USP13: variants seen among roughly 807,000 people sequenced by gnomAD.
USP13 encodes the protein ubiquitin carboxyl-terminal hydrolase 13.
A neutral mutation model predicts 107.8 loss-of-function variants in USP13; 68 were observed. That is an observed-to-expected ratio of 0.63 (90% CI 0.52 to 0.77). USP13 has a LOEUF of 0.77. Among genes scored for constraint, USP13 ranks in the 30% least tolerant of loss-of-function variants. The probability of loss-of-function intolerance (pLI) is 0.00; values close to 1 mark genes in which losing one functional copy is unlikely to be tolerated. For missense variants in USP13, 945 were observed against 1,093.3 expected (o/e 0.86, Z 1.91); for synonymous variants, 377 against 389.5 (o/e 0.97, Z 0.38).
Position 179,701,131 on chromosome 3 carries a change from TCAGTGAG to T in USP13, c.477+3_477+9del. ...AATATTGAGGAGTTACCAGCCCTGG[TCAGTGAG>T]TGTGCACGGCTGCTAGCTAGATGCG... is the stretch of plus-strand genomic sequence containing the variant. On this transcript the variant is annotated splice_donor_5th_base_variant and intron_variant, in intron 4 of 20. Transcript: ENST00000263966. 1 of 1,599,846 alleles carries T rather than the reference TCAGTGAG, an allele frequency of 6.3e-7. No homozygotes were observed. Among genetic ancestry groups the T allele is most frequent in the East Asian group, 2.3e-5 (1 of 43,948 alleles).
chr3:179,769,975 T>G (rs1715296561), intron 19 of USP13, among the ~76,000 whole-genome samples: 1 of 152,230 alleles, frequency 6.6e-6, no homozygotes, highest in South Asian at 2.1e-4. Context: ...CACGTGACTC[T>G]CCACAAACAC....
At chr3:179,722,830 CT>C (rs1189775168) in intron 8 of USP13, among the ~76,000 whole-genome samples, 2 of 152,182 alleles carry the variant, frequency 1.3e-5, no homozygotes, top group Non-Finnish European at 2.9e-5. Context: ...AAAACTGACC[CT>C]TTACCGCAGA....
In USP13 at chr3:179,788,683, G is replaced by A. The variant is rs1194875142; in HGVS notation, c.*4542G>A. On this transcript the variant is annotated 3_prime_UTR_variant, in exon 21 of 21. Coordinates refer to ENST00000263966, the MANE Select transcript of USP13 (RefSeq NM_003940.3). ...CACCCATTTTTATTTTTTTAAAAAT[G>A]TGGCCCCTAAAGAACTTCAAATTAG... is the stretch of plus-strand genomic sequence containing the variant. The A allele has an allele frequency of 6.6e-6, 1 of 151,706 alleles. No individual in the cohort carries two copies. The highest frequency in any genetic ancestry group is 1.9e-4 in the East Asian group (1 of 5,176). 9.4% of individuals were successfully genotyped at this position (151,706 alleles called of 1,614,324 possible). A position where few individuals can be genotyped will look rare whatever the true frequency, so the allele number is the denominator to read the frequency against.
Position 179,767,426 on chromosome 3 carries a change from TGG to T in USP13, c.2413+1579_2413+1580del, listed in dbSNP as rs370627590. 2.1e-3 allele frequency among the ~76,000 whole-genome samples: 318 copies of T among 148,834 alleles called. 4 individuals are homozygous for T. Among genetic ancestry groups the T allele is most frequent in the African/African-American group, 7.8e-3 (303 of 38,990 alleles). On this transcript the variant is annotated intron_variant, in intron 19 of 20. Coordinates refer to ENST00000263966, the MANE Select transcript of USP13 (RefSeq NM_003940.3). ...ACTGTAATGCATTGTTAGTTTTTTT[TGG>T]TTTTTTTTTTTTTTGAGACAGAGTC... is the stretch of plus-strand genomic sequence containing the variant.
At chr3:179,758,342 A>G (rs961471123) in intron 16 of USP13, among the ~76,000 whole-genome samples, 1 of 152,184 alleles carries the variant, frequency 6.6e-6, no homozygotes, top group African/African-American at 2.4e-5. Flanking sequence ...TAACTGTGCC[A>G]GAGGAGCCTG....
Position 179,721,289 on chromosome 3 carries a change from A to T in USP13, c.901-113A>T. On this transcript the variant is annotated intron_variant, in intron 7 of 20. Coordinates refer to ENST00000263966, the MANE Select transcript of USP13 (RefSeq NM_003940.3). This position sits in a 1 kb window ranked among gnomAD's most constrained non-coding sequence, Gnocchi z 4.3. Reference sequence around the variant, plus strand: ...TTTGCATTGTTTATTTCTCTATGTAATTGGGGAAAAAAATGGCAGAAACAT... The same window carrying T: ...TTTGCATTGTTTATTTCTCTATGTATTTGGGGAAAAAAATGGCAGAAACAT... 8.7e-7 allele frequency: 1 copy of T among 1,147,672 alleles called. No homozygotes were observed. The highest frequency in any genetic ancestry group is 1.2e-6 in the Non-Finnish European group (1 of 815,208). The allele number at this position is 1,147,672 out of a possible 1,614,324, so 71.1% of individuals were successfully genotyped here.
intron 7 of USP13, among the ~76,000 whole-genome samples, chr3:179,720,855 C>G (rs948343620): frequency 1.3e-5 from 2 of 150,410 alleles, no homozygotes; most frequent in African/African-American, 4.9e-5. Context: ...GTTGCCCAGG[C>G]TGGAGTGCAG....
At chr3:179,655,662 C>T (rs182332621) in intron 1 of USP13, among the ~76,000 whole-genome samples, 1 of 150,394 alleles carries the variant, frequency 6.6e-6, no homozygotes, top group Non-Finnish European at 1.5e-5. Context: ...TCAAGTGATT[C>T]TCCTGCCTCA....
intron 15 of USP13, among the ~76,000 whole-genome samples, chr3:179,756,457 A>G (rs1273259502): frequency 6.6e-6 from 1 of 152,004 alleles, no homozygotes; most frequent in African/African-American, 2.4e-5. Context: ...AAAAATACAG[A>G]GAGAGGCTGG....
At chr3:179,690,612 G>A (rs569945208) in intron 3 of USP13, among the ~76,000 whole-genome samples, 2 of 152,168 alleles carry the variant, frequency 1.3e-5, no homozygotes, top group African/African-American at 4.8e-5. Flanking sequence ...TGGCTCTCTC[G>A]CCTAGGCTGG....
intron 5 of USP13, among the ~76,000 whole-genome samples, chr3:179,708,349 C>T (rs899231661): frequency 2.0e-5 from 3 of 151,438 alleles, no homozygotes; most frequent in African/African-American, 7.3e-5. Flanking sequence ...CTCTGTCACC[C>T]AGGCTGGAGT....
At chr3:179,677,848 A>G (rs36122949) in intron 1 of USP13, among the ~76,000 whole-genome samples, 7,750 of 152,046 alleles carry the variant, frequency 0.051, 266 homozygotes, top group Non-Finnish European at 0.071. Flanking sequence ...TGGCTGTCAG[A>G]CTCACTTATT....
At chr3:179,749,871 T>C (rs541717317) in intron 13 of USP13, among the ~76,000 whole-genome samples, 1 of 152,340 alleles carries the variant, frequency 6.6e-6, no homozygotes, top group Non-Finnish European at 1.5e-5. Flanking sequence ...TGGAAATTAT[T>C]GGTTTACCAA....
rs374139056 is a variant in USP13 at position 179,738,948 on chromosome 3, G to A, written c.1255-1299G>A. The stretch of plus-strand genomic sequence containing the variant: ...GTCAAGGGGATTGGAGATTAGAGAA[G>A]TAGGCAGAGTCTTTTCACTTGCCAA... On this transcript the variant is annotated intron_variant, in intron 10 of 20. Transcript: ENST00000263966. 2.7e-3 allele frequency among the ~76,000 whole-genome samples: 415 copies of A among 152,348 alleles called. 2 individuals are homozygous for A. The highest frequency in any genetic ancestry group is 9.6e-3 in the African/African-American group (399 of 41,570).
chr3:179,702,199 T>G (rs1712557434), intron 4 of USP13, among the ~76,000 whole-genome samples: 2 of 152,160 alleles, frequency 1.3e-5, no homozygotes, highest in Non-Finnish European at 2.9e-5. Flanking sequence ...TTTTGTATTT[T>G]TAGTGCAGAT....
At chr3:179,656,277 C>T (rs1720258405) in intron 1 of USP13, among the ~76,000 whole-genome samples, 1 of 152,102 alleles carries the variant, frequency 6.6e-6, no homozygotes, top group Non-Finnish European at 1.5e-5. Flanking sequence ...ATGATGGGGG[C>T]CTTGAATCTG....
Position 179,781,793 on chromosome 3 carries a change from A to G in USP13, c.2468A>G (p.His823Arg), listed in dbSNP as rs755064372. 6.2e-7 allele frequency: 1 copy of G among 1,614,130 alleles called. No homozygotes were observed. The stretch of plus-strand genomic sequence containing the variant: ...ATGGGAACATCCACAATGAGTGGTC[A>G]TTACATTTGCCATATCAAAAAGGAA... Reference protein sequence around the residue: ...SHMGTSTMSGHYICHIKKEGR... With the variant: ...SHMGTSTMSGRYICHIKKEGR... The change falls in exon 20 of 21, where the codon CAT becomes CGT. Residue 823 changes from histidine to arginine, a missense_variant. Transcript: ENST00000263966.
chr3:179,775,198 A>G (rs1715482845), intron 19 of USP13, among the ~76,000 whole-genome samples: 1 of 151,900 alleles, frequency 6.6e-6, no homozygotes, highest in Non-Finnish European at 1.5e-5. Flanking sequence ...ACAAACCTTT[A>G]GCTAGACACA....
chr3:179,777,443 C>CTTTTTTTTTTTTTTTTTT (rs11317182), intron 19 of USP13, among the ~76,000 whole-genome samples: 2 of 113,696 alleles, frequency 1.8e-5, no homozygotes, highest in Non-Finnish European at 3.5e-5. Context: ...CTCTCTCTCT[C>CTTTTTTTTTTTTTTTTTT]TTTTTTTTTT....
Sources: allele counts gnomAD v4.1 joint callset (sites outside exome capture counted in the v4.1 genomes callset), GRCh38; gene constraint gnomAD v4.1.1; non-coding constraint Gnocchi (gnomAD v3.1); transcripts MANE v1.5; gene names NCBI Gene and HGNC (gene_info 2026-07-23, HGNC 2026-07-21).